LEF1: variants seen among roughly 807,000 people sequenced by gnomAD.
LEF1 encodes the protein lymphoid enhancer-binding factor 1.
A neutral mutation model predicts 51.2 loss-of-function variants in LEF1; 14 were observed. The observed-to-expected ratio is 0.27, with a 90% CI of 0.18 to 0.43. LEF1 has a LOEUF of 0.43. Ranked by LOEUF, LEF1 falls within the 20% of genes least tolerant of loss-of-function variation. LEF1 has a pLI of 1.00. For missense variants in LEF1, 386 were observed against 512.0 expected (o/e 0.75, Z 2.37); for synonymous variants, 185 against 183.2 (o/e 1.01, Z -0.08).
chr4:108,164,754 G>A (rs781187905), intron 2 of LEF1, among the ~76,000 whole-genome samples: 3 of 151,956 alleles, frequency 2.0e-5, no homozygotes, highest in South Asian at 2.1e-4. Flanking sequence ...ATATACTGTC[G>A]TTCTTCTTAA....
intron 8 of LEF1, among the ~76,000 whole-genome samples, chr4:108,073,483 G>C (rs1388779901): frequency 2.0e-5 from 3 of 151,922 alleles, no homozygotes; most frequent in Admixed American, 1.3e-4. Flanking sequence ...AAAAAAATTA[G>C]GGACAAAAAA....
chr4:108,102,712 G>A (rs963394878), intron 3 of LEF1, among the ~76,000 whole-genome samples: 3 of 152,186 alleles, frequency 2.0e-5, no homozygotes, highest in Admixed American at 6.5e-5. Flanking sequence ...TAAGAGTCCT[G>A]TCTTATTCCA....
At chr4:108,077,107 G>T (rs1324832070) in intron 8 of LEF1, among the ~76,000 whole-genome samples, 1 of 151,588 alleles carries the variant, frequency 6.6e-6, no homozygotes, top group South Asian at 2.1e-4. Context: ...GGGAGGCCAA[G>T]GTGGGAGGTT....
intron 3 of LEF1, among the ~76,000 whole-genome samples, chr4:108,161,282 G>A (rs1745039725): frequency 6.6e-6 from 1 of 152,148 alleles, no homozygotes; most frequent in African/African-American, 2.4e-5. Context: ...ATAGTCTTGT[G>A]GTTACAGCTG....
chr4:108,132,658 C>T (rs1263582679), intron 3 of LEF1, among the ~76,000 whole-genome samples: 3 of 35,718 alleles, frequency 8.4e-5, no homozygotes, highest in Non-Finnish European at 1.3e-4. Flanking sequence ...CGAAAATCTG[C>T]CTTTTTTTTT....
intron 3 of LEF1, among the ~76,000 whole-genome samples, chr4:108,129,632 C>T (rs1578377448): frequency 6.6e-6 from 1 of 152,260 alleles, no homozygotes; most frequent in East Asian, 1.9e-4. Flanking sequence ...AAAACCTTGC[C>T]AGCATGTTCC....
chr4:108,107,919 A>C (rs1741277509), intron 3 of LEF1, among the ~76,000 whole-genome samples: 1 of 152,194 alleles, frequency 6.6e-6, no homozygotes, highest in Admixed American at 6.5e-5. Flanking sequence ...GATCTTCTAG[A>C]TGCTTACAGC....
chr4:108,131,772 A>G (rs757099368), intron 3 of LEF1, among the ~76,000 whole-genome samples: 11 of 152,302 alleles, frequency 7.2e-5, no homozygotes, highest in Non-Finnish European at 1.2e-4. Context: ...AGCTTATTGT[A>G]TCAAACATAT....
At chr4:108,084,793 A>G (rs1379142001) in intron 4 of LEF1, among the ~76,000 whole-genome samples, 1 of 152,092 alleles carries the variant, frequency 6.6e-6, no homozygotes, top group Non-Finnish European at 1.5e-5. Flanking sequence ...TAAATTTTTT[A>G]CCCTAGGATT....
chr4:108,082,971 G>A (rs953421131), intron 5 of LEF1, among the ~76,000 whole-genome samples: 3 of 152,040 alleles, frequency 2.0e-5, no homozygotes, highest in Admixed American at 6.6e-5. Context: ...TACAAGTAAA[G>A]GTAGATATTC....
At chr4:108,134,236 T>C (rs1001050515) in intron 3 of LEF1, among the ~76,000 whole-genome samples, 1 of 151,910 alleles carries the variant, frequency 6.6e-6, no homozygotes, top group East Asian at 1.9e-4. Flanking sequence ...TGTGGACATA[T>C]ATTATTTTGT....
At position 108,165,011 on chromosome 4, in the gene LEF1, G is replaced by T. The variant is rs928000100; in HGVS notation, c.280+86C>A. On this transcript the variant is annotated intron_variant, in intron 2 of 11. Transcript: ENST00000265165. ...TAGTCTGACCTAGTCCCAGTTTCTTGAACTCAAAAGTAACAAAACACACCT... is the reference window on the plus strand; with the variant it reads ...TAGTCTGACCTAGTCCCAGTTTCTTTAACTCAAAAGTAACAAAACACACCT... 6.8e-6 allele frequency: 8 copies of T among 1,182,622 alleles called. No individual in the cohort carries two copies. The South Asian group carries it at 1.0e-4, about 15-fold the overall frequency. The allele number at this position is 1,182,622 out of a possible 1,614,324, so 73.3% of individuals were successfully genotyped here. A position where few individuals can be genotyped will look rare whatever the true frequency, so the allele number is the denominator to read the frequency against.
At chr4:108,064,235 T>TA (rs772646001) in intron 10 of LEF1, 101 bp downstream of exon 10, 8 of 727,756 alleles carry the variant, frequency 1.1e-5, no homozygotes, top group Non-Finnish European at 1.9e-5. Context: ...GCATCATAAG[T>TA]TACAGTCACA....
intron 3 of LEF1, among the ~76,000 whole-genome samples, chr4:108,126,867 ATATG>A (rs1560808989): frequency 2.2e-5 from 2 of 91,096 alleles, no homozygotes; most frequent in East Asian, 2.3e-4. Flanking sequence ...TTATTTACTG[ATATG>A]TGTGTGTGTG....
intron 3 of LEF1, among the ~76,000 whole-genome samples, chr4:108,160,131 C>T (rs1051970168): frequency 2.6e-5 from 4 of 152,128 alleles, no homozygotes; most frequent in East Asian, 1.9e-4. Flanking sequence ...GGAAGATTGA[C>T]GCCTAAGATG....
chr4:108,055,326 T>G (rs1053580390), intron 11 of LEF1, among the ~76,000 whole-genome samples: 2 of 152,224 alleles, frequency 1.3e-5, no homozygotes, highest in Admixed American at 6.5e-5. Context: ...TAGAATAGTA[T>G]TATACAAATC....
intron 5 of LEF1, 42 bp downstream of exon 5, chr4:108,083,314 T>C: frequency 7.9e-7 from 1 of 1,265,986 alleles, no homozygotes; most frequent in Non-Finnish European, 1.2e-6. Flanking sequence ...TGGAGGAACA[T>C]GTGTTCAAAT....
chr4:108,153,869 TTGG>T (rs1441925133), intron 3 of LEF1, among the ~76,000 whole-genome samples: 1 of 152,060 alleles, frequency 6.6e-6, no homozygotes, highest in African/African-American at 2.4e-5. Context: ...ACATAATAAG[TTGG>T]TGGCAAAAAA....
intron 3 of LEF1, among the ~76,000 whole-genome samples, chr4:108,138,812 G>A (rs1159807650): frequency 6.6e-6 from 1 of 152,198 alleles, no homozygotes; most frequent in Non-Finnish European, 1.5e-5. Flanking sequence ...GGGACAGAAC[G>A]GAGCTTGCTG....
Sources: allele counts gnomAD v4.1 joint callset (sites outside exome capture counted in the v4.1 genomes callset), GRCh38; gene constraint gnomAD v4.1.1; transcripts MANE v1.5; gene names NCBI Gene and HGNC (gene_info 2026-07-23, HGNC 2026-07-21).